The following RNF17 variants were observed in gnomAD, a reference collection of about 807,000 sequenced individuals.
RNF17 encodes the protein ring finger protein 17.
Under a neutral mutation model 200.5 loss-of-function variants are expected in RNF17, and 31 were observed. The ratio of observed to expected loss-of-function variants is 0.15; its 90% CI spans 0.12 to 0.21. RNF17 has a LOEUF of 0.21. Ranked by LOEUF, RNF17 falls within the 10% of genes least tolerant of loss-of-function variation. The pLI is 1.00. For missense variants in RNF17, 1,628 were observed against 1,905.1 expected (o/e 0.85, Z 2.71); for synonymous variants, 606 against 637.8 (o/e 0.95, Z 0.75).
intron 15 of RNF17, among the ~76,000 whole-genome samples, chr13:24,812,185 T>C (rs4617696): frequency 0.98 from 144,439 of 147,056 alleles, 70,992 homozygotes; most frequent in Middle Eastern, 1. Context: ...TCGAGCTTCC[T>C]GGCTGCTTTG....
intron 15 of RNF17, among the ~76,000 whole-genome samples, chr13:24,806,056 G>A (rs61949264): frequency 0.15 from 22,048 of 151,864 alleles, 1,646 homozygotes; most frequent in African/African-American, 0.16. Context: ...CCCACAACAG[G>A]CCCCAGTGTG....
At chr13:24,828,968 C>G (rs892809892) in intron 16 of RNF17, among the ~76,000 whole-genome samples, 6 of 151,268 alleles carry the variant, frequency 4.0e-5, no homozygotes, top group African/African-American at 1.5e-4. Context: ...GCCACCACGC[C>G]TGGCTAATTT....
intron 22 of RNF17, among the ~76,000 whole-genome samples, chr13:24,847,551 G>T (rs374077389): frequency 3.3e-5 from 5 of 152,176 alleles, no homozygotes; most frequent in African/African-American, 1.2e-4. Context: ...TCACCATGTT[G>T]GCTAGGCTGG....
Position 24,821,080 on chromosome 13 carries a change from C to G in RNF17, c.2092-4539C>G, listed in dbSNP as rs74042518. Among the ~76,000 whole-genome samples, 1,170 of 152,236 alleles carry G rather than the reference C, an allele frequency of 7.7e-3. 15 individuals carry two copies. Among genetic ancestry groups the G allele is most frequent in the East Asian group, 0.056 (287 of 5,164 alleles). ...AGGGAAAATCCATTTCACCTCTCTGCTTTAGATTTTGGTGGCTTGCTGGCA... is the reference window on the plus strand; with the variant it reads ...AGGGAAAATCCATTTCACCTCTCTGGTTTAGATTTTGGTGGCTTGCTGGCA... On this transcript the variant is annotated intron_variant, in intron 15 of 35. Coordinates refer to ENST00000255324, the MANE Select transcript of RNF17 (RefSeq NM_031277.3).
chr13:24,771,388 C>G (rs1224797379), intron 2 of RNF17, among the ~76,000 whole-genome samples: 6 of 122,426 alleles, frequency 4.9e-5, no homozygotes, highest in Non-Finnish European at 9.5e-5. Context: ...TAGGCTAGGT[C>G]CTTGCTATGT....
upstream of RNF17, among the ~76,000 whole-genome samples, chr13:24,762,131 G>A (rs2137829222): frequency 6.6e-6 from 1 of 152,252 alleles, no homozygotes; most frequent in African/African-American, 2.4e-5. Flanking sequence ...CACTTTGGGA[G>A]GCCTAAGGCG....
At chr13:24,846,540 T>C (rs1347023206) in intron 22 of RNF17, among the ~76,000 whole-genome samples, 2 of 152,214 alleles carry the variant, frequency 1.3e-5, no homozygotes, top group Admixed American at 1.3e-4. Flanking sequence ...TCGTTTGTTA[T>C]TGCTTTGATA....
At chr13:24,848,985 T>C (rs575607635) in intron 22 of RNF17, among the ~76,000 whole-genome samples, 1 of 152,238 alleles carries the variant, frequency 6.6e-6, no homozygotes, top group African/African-American at 2.4e-5. Context: ...ATGTGCCCAG[T>C]TGATTTGGTT....
intron 15 of RNF17, among the ~76,000 whole-genome samples, chr13:24,815,782 G>T (rs947809524): frequency 5.3e-5 from 8 of 152,250 alleles, no homozygotes; most frequent in African/African-American, 1.4e-4. Flanking sequence ...TCAAGAAAGG[G>T]TGTTCAATTT....
intron 4 of RNF17, 71 bp from the exon 5 acceptor site, chr13:24,779,596 C>A: frequency 1.6e-6 from 2 of 1,236,580 alleles, no homozygotes; most frequent in Non-Finnish European, 2.3e-6. Flanking sequence ...TTTTTTGCAA[C>A]TATAATATAT....
chr13:24,749,307 C>CTTTCTTTCTTTCT, the RNF17 span, among the ~76,000 whole-genome samples: 1 of 108,032 alleles, frequency 9.3e-6, no homozygotes. Context: ...TTCTTTCTTT[C>CTTTCTTTCTTTCT]TTTTTTTTTT....
At chr13:24,811,691 C>CTA (rs1317821253) in intron 15 of RNF17, among the ~76,000 whole-genome samples, 1 of 152,174 alleles carries the variant, frequency 6.6e-6, no homozygotes. Flanking sequence ...GTGAGGAACT[C>CTA]TACTCCTTTG....
intron 15 of RNF17, among the ~76,000 whole-genome samples, chr13:24,821,942 C>T (rs1012079376): frequency 4.6e-5 from 7 of 152,020 alleles, no homozygotes; most frequent in African/African-American, 1.2e-4. Context: ...TTAGGAGTGG[C>T]GGTTTAATAT....
At chr13:24,839,078 G>A (rs1468170503) in intron 18 of RNF17, among the ~76,000 whole-genome samples, 2 of 151,634 alleles carry the variant, frequency 1.3e-5, no homozygotes, top group African/African-American at 2.4e-5. Flanking sequence ...TACAATAGCT[G>A]CAAAAAAATA....
intron 16 of RNF17, among the ~76,000 whole-genome samples, chr13:24,827,714 A>C (rs895164416): frequency 2.0e-5 from 2 of 98,114 alleles, no homozygotes; most frequent in South Asian, 2.8e-4. Context: ...AAAAAAAAAA[A>C]AAACAAAAAA....
chr13:24,822,934 A>G (rs1888236094), intron 15 of RNF17, among the ~76,000 whole-genome samples: 1 of 152,122 alleles, frequency 6.6e-6, no homozygotes, highest in Non-Finnish European at 1.5e-5. Context: ...TCATATCTTT[A>G]CAGTTAGTTT....
At chr13:24,774,068 A>C (rs951099593) in intron 2 of RNF17, among the ~76,000 whole-genome samples, 9 of 147,250 alleles carry the variant, frequency 6.1e-5, no homozygotes, top group Admixed American at 4.0e-4. Flanking sequence ...TTTTACTTGA[A>C]CACTGTCTCG....
At chr13:24,807,061 G>A (rs1332593465) in intron 15 of RNF17, among the ~76,000 whole-genome samples, 1 of 151,532 alleles carries the variant, frequency 6.6e-6, no homozygotes, top group Non-Finnish European at 1.5e-5. Flanking sequence ...TTGGACATTT[G>A]GCTTGGTTCC....
intron 15 of RNF17, among the ~76,000 whole-genome samples, chr13:24,822,295 G>A (rs1888159114): frequency 6.6e-6 from 1 of 152,166 alleles, no homozygotes; most frequent in South Asian, 2.1e-4. Context: ...ATCTGTGTCT[G>A]CAGCTCAATT....
Sources: gnomAD v4.1 joint callset for allele counts (sites outside exome capture counted in the v4.1 genomes callset) on GRCh38, gnomAD v4.1.1 for gene constraint, MANE v1.5 for transcripts, NCBI Gene and HGNC (gene_info 2026-07-23, HGNC 2026-07-21) for gene names.